CELA3B: variants seen among roughly 807,000 people sequenced by gnomAD.
CELA3B encodes chymotrypsin like elastase 3B, also known as chymotrypsin-like elastase family member 3B.
A neutral mutation model predicts 37.2 loss-of-function variants in CELA3B; 34 were observed. The observed-to-expected ratio is 0.91, with a 90% CI of 0.70 to 1.22. CELA3B has a LOEUF of 1.22. Ranked by LOEUF, CELA3B falls within the 50% of genes most tolerant of loss-of-function variation. CELA3B has a pLI of 0.00. For missense variants in CELA3B, 340 were observed against 363.1 expected, an observed-to-expected ratio of 0.94 and a Z score of 0.52; for synonymous variants, 127 against 143.5, an observed-to-expected ratio of 0.89 and a Z score of 0.82.
chr1:21,979,231 C>T (rs1328280410), intron 2 of CELA3B, among the ~76,000 whole-genome samples: 2 of 151,100 alleles, frequency 1.3e-5, no homozygotes, highest in African/African-American at 4.9e-5. Flanking sequence ...CGCCACCAAG[C>T]CCGGCTAATT....
intron 6 of CELA3B, 96 bp downstream of exon 6, chr1:21,984,427 T>C (rs1644826264): frequency 6.6e-7 from 1 of 1,511,280 alleles, no homozygotes; most frequent in Admixed American, 1.9e-5. Flanking sequence ...TCTTGCCTGC[T>C]TGCCCCATTC....
Position 21,984,273 on chromosome 1 carries a change from G to C in CELA3B, c.584G>C (p.Gly195Ala), listed in dbSNP as rs781074394. 2.4e-5 allele frequency: 39 copies of C among 1,614,182 alleles called. No homozygotes were observed. The highest frequency in any genetic ancestry group is 3.2e-5 in the Non-Finnish European group (38 of 1,180,032). ...CACTGCTCCAGGTGGAACTGGTGGGGTTCCTCCGTGAAGAAGACCATGGTG... is the reference window on the plus strand; with the variant it reads ...CACTGCTCCAGGTGGAACTGGTGGGCTTCCTCCGTGAAGAAGACCATGGTG... ...YEHCSRWNWW[G>A]SSVKKTMVCA... Residue 195 changes from glycine to alanine, a missense_variant, in exon 6 of 8, where the codon GGT (glycine) becomes GCT (alanine). By Grantham distance (60) the Gly-to-Ala change is moderately conservative. Transcript: ENST00000337107.
At chr1:21,997,434 A>T (rs1164197055) in intron 4 of CELA3B, among the ~76,000 whole-genome samples, 1 of 150,522 alleles carries the variant, frequency 6.6e-6, no homozygotes, top group Non-Finnish European at 1.5e-5. Context: ...CACGACTGTA[A>T]TCCCACACTT....
chr1:21,993,290 G>T (rs71638806), downstream of CELA3B, among the ~76,000 whole-genome samples: 2 of 150,854 alleles, frequency 1.3e-5, no homozygotes, highest in African/African-American at 4.9e-5. Flanking sequence ...GCGAAATCCC[G>T]TCTCTAATAA....
At chr1:21,978,283 G>C (rs987731917) in intron 1 of CELA3B, 86 bp from the exon 2 acceptor site, 135 of 1,496,624 alleles carry the variant, frequency 9.0e-5, no homozygotes, top group Non-Finnish European at 1.5e-5. Flanking sequence ...ACAGCCACTT[G>C]AAGGCACGGC....
rs558255846 is a variant in CELA3B, at chr1:21,987,336, C to T, written c.795+653C>T. Reference sequence around the variant, plus strand: ...GGCATGGTGGTGGGTGCCTGTAATCCCAGCTGCTCGGGAGGCTGAGGCAGA... The same window carrying T: ...GGCATGGTGGTGGGTGCCTGTAATCTCAGCTGCTCGGGAGGCTGAGGCAGA... On this transcript the variant is annotated intron_variant, in intron 7 of 7. Coordinates refer to ENST00000337107, the MANE Select transcript of CELA3B (RefSeq NM_007352.4). 42 of 206,952 alleles carry T rather than the reference C, an allele frequency of 2.0e-4. 1 individual carries two copies. The South Asian group carries it at 2.5e-3, about 12-fold the overall frequency. 12.8% of individuals were successfully genotyped at this position (206,952 alleles called of 1,614,324 possible). A position where few individuals can be genotyped will look rare whatever the true frequency, so the allele number is the denominator to read the frequency against.
chr1:21,991,809 A>G (rs1402866751), downstream of CELA3B, among the ~76,000 whole-genome samples: 1 of 151,100 alleles, frequency 6.6e-6, no homozygotes, highest in Non-Finnish European at 1.5e-5. Flanking sequence ...CTAAACATAC[A>G]TATTCAACAG....
downstream of CELA3B, among the ~76,000 whole-genome samples, chr1:21,989,721 G>T (rs1246085791): frequency 3.3e-5 from 5 of 150,826 alleles, no homozygotes; most frequent in Non-Finnish European, 7.4e-5. Flanking sequence ...TCATGGTAGA[G>T]TGGGAAGGAC....
downstream of CELA3B, among the ~76,000 whole-genome samples, chr1:21,992,728 C>T (rs1249548848): frequency 6.6e-6 from 1 of 151,198 alleles, no homozygotes; most frequent in African/African-American, 2.4e-5. Context: ...ATAATCCCAG[C>T]ACTTTGGGAG....
chr1:21,977,663 G>C (rs1569831276), intron 1 of CELA3B, among the ~76,000 whole-genome samples: 1 of 152,056 alleles, frequency 6.6e-6, no homozygotes, highest in Non-Finnish European at 1.5e-5. Context: ...CCATTTTACC[G>C]ACCCTCAAGG....
intron 6 of CELA3B, among the ~76,000 whole-genome samples, 187 bp downstream of exon 6, chr1:21,984,518 G>T (rs12122445): frequency 6.6e-6 from 1 of 151,498 alleles, no homozygotes; most frequent in African/African-American, 2.4e-5. Flanking sequence ...GGACCCCCGG[G>T]TTGCAGTCTC....
chr1:21,984,208 C>G lies in CELA3B; in HGVS notation c.519C>G (p.Asp173Glu). ...GRLYTNGPLP[D>E]KLQEALLPVV... ...CTGCAGCCAACGGGCCACTCCCAGA[C>G]AAGCTGCAGGAGGCCCTGCTGCCGG... The change falls in exon 6 of 8, where the codon GAC (aspartate) becomes GAG (glutamate). Residue 173 changes from aspartate to glutamate, a missense_variant. Physicochemically the swap from Asp to Glu is conservative, Grantham distance 45. Coordinates refer to ENST00000337107, the MANE Select transcript of CELA3B (RefSeq NM_007352.4). 1.2e-6 allele frequency: 2 copies of G among 1,613,920 alleles called. No individual in the cohort carries two copies. The highest frequency in any genetic ancestry group is 1.7e-5 in the Admixed American group (1 of 59,992).
intron 2 of CELA3B, among the ~76,000 whole-genome samples, chr1:21,979,453 C>CTTTT (rs66459906): frequency 5.5e-4 from 47 of 85,358 alleles, no homozygotes; most frequent in African/African-American, 1.3e-3. Context: ...CTTTTCTTTT[C>CTTTT]TTTTTTTTTT....
downstream of CELA3B, among the ~76,000 whole-genome samples, chr1:21,992,132 A>G (rs1644871516): frequency 7.4e-6 from 1 of 136,034 alleles, no homozygotes. Flanking sequence ...AAAAAAAAAG[A>G]AGGAGCTGTA....
chr1:21,977,621 A>G (rs562584217), intron 1 of CELA3B, among the ~76,000 whole-genome samples: 2 of 152,316 alleles, frequency 1.3e-5, no homozygotes, highest in Middle Eastern at 3.4e-3. Flanking sequence ...AATTCTCACA[A>G]CAGCCTCAGG....
chr1:21,998,182 G>A (rs552819056), exon 5 of CELA3B: 24 of 470,138 alleles, frequency 5.1e-5, no homozygotes, highest in African/African-American at 1.2e-4. Flanking sequence ...CCAGAGTCCC[G>A]GACTTAGGAC....
chr1:21,979,407 A>G (rs1462772994), intron 2 of CELA3B, among the ~76,000 whole-genome samples: 1 of 149,842 alleles, frequency 6.7e-6, no homozygotes, highest in Admixed American at 6.6e-5. Flanking sequence ...TAACAATTCA[A>G]TTCCTCAGTG....
intron 4 of CELA3B, among the ~76,000 whole-genome samples, chr1:21,981,493 T>G (rs1361914326): frequency 1.3e-5 from 2 of 151,684 alleles, no homozygotes; most frequent in East Asian, 3.9e-4. Context: ...GGTTTCTCCA[T>G]TCAATAGATG....
At chr1:21,994,322 A>G (rs1227458972), downstream of CELA3B, among the ~76,000 whole-genome samples, 36 of 150,866 alleles carry the variant, frequency 2.4e-4, no homozygotes, top group East Asian at 5.9e-4. Context: ...CCCACCAGAC[A>G]TGCCTGGGCT....
Sources: gnomAD v4.1 joint callset for allele counts (sites outside exome capture counted in the v4.1 genomes callset) on GRCh38, gnomAD v4.1.1 for gene constraint, MANE v1.5 for transcripts, NCBI Gene and HGNC (gene_info 2026-07-23, HGNC 2026-07-21) for gene names.